SLU7: variants seen among roughly 807,000 people sequenced by gnomAD.
SLU7 encodes the protein spliceosome associated SLU7, also known as pre-mRNA-splicing factor SLU7.
Under a neutral mutation model 87.0 loss-of-function variants are expected in SLU7, and 60 were observed. The ratio of observed to expected loss-of-function variants is 0.69; its 90% CI spans 0.56 to 0.86. The LOEUF is 0.86. Among genes scored for constraint, SLU7 ranks in the 40% least tolerant of loss-of-function variants. SLU7 has a pLI of 0.00. For synonymous variants in SLU7, 197 were observed against 222.0 expected (o/e 0.89, Z 1.00); for missense variants, 507 against 686.6 (o/e 0.74, Z 2.92).
intron 1 of SLU7, among the ~76,000 whole-genome samples, chr5:160,416,859 C>T (rs1765475804): frequency 6.6e-6 from 1 of 152,216 alleles, no homozygotes; most frequent in Non-Finnish European, 1.5e-5. Flanking sequence ...CAAATCTCAT[C>T]TTGAATTGTA....
At chr5:160,411,343 C>T (rs1428593176) in intron 6 of SLU7, among the ~76,000 whole-genome samples, 4 of 151,990 alleles carry the variant, frequency 2.6e-5, no homozygotes, top group South Asian at 2.1e-4. Context: ...GCGATTCTCC[C>T]GAGTAGCTGG....
rs1245578525 is a variant in SLU7, at chr5:160,414,367, T to C, written c.276A>G (p.Gln92=). The C allele has an allele frequency of 6.2e-7, 1 of 1,612,370 alleles. No individual in the cohort carries two copies. The highest frequency in any genetic ancestry group is 1.1e-5 in the South Asian group (1 of 90,916). ...LKHQRPQPEK[Q]KQFSSSGEWY... Reference sequence around the variant, plus strand: ...ATTCTCCAGATGAGCTGAACTGCTTTTGTTTTTCTGGTTGTGGTCTCTGGT... The same window carrying C: ...ATTCTCCAGATGAGCTGAACTGCTTCTGTTTTTCTGGTTGTGGTCTCTGGT... The change falls in exon 3 of 16, where the codon CAA becomes CAG. Residue 92 remains glutamine (Q), a synonymous_variant. Transcript: ENST00000297151.
In SLU7 at chr5:160,407,970, C is replaced by T; in HGVS notation, c.917+1G>A. ...ATCTGTACATTTAACTTGATACTTA[C>T]TCATCTGGATTCTTTCCTGCATTGG... On this transcript the variant is annotated splice_donor_variant, in intron 9 of 15. Transcript: ENST00000297151. LOFTEE classifies it high-confidence loss of function. This position sits in a 1 kb window ranked among gnomAD's most constrained non-coding sequence, Gnocchi z 4.2. The T allele has an allele frequency of 6.2e-7, 1 of 1,600,532 alleles. No homozygotes were observed. Among genetic ancestry groups the T allele is most frequent in the Non-Finnish European group, 8.6e-7 (1 of 1,167,942 alleles).
Position 160,404,556 on chromosome 5 carries a change from G to C in SLU7, c.1465C>G (p.Leu489Val), listed in dbSNP as rs1764923576. ...TCCTCTTTCAGTTTTTCTTGATGCAGCTGAAAGGGAGGATTGAAATGCAGT... is the reference window on the plus strand; with the variant it reads ...TCCTCTTTCAGTTTTTCTTGATGCACCTGAAAGGGAGGATTGAAATGCAGT... ...SVKKPQTLME[L>V]HQEKLKEEKK... Residue 489 changes from leucine (L) to valine (V), a missense_variant and splice_region_variant, in exon 15 of 16, where the codon CTG becomes GTG. Physicochemically the swap from Leu to Val is conservative, Grantham distance 32 (BLOSUM62 1). Transcript: ENST00000297151. 5 of 1,565,568 alleles carry C rather than the reference G, an allele frequency of 3.2e-6. No individual in the cohort carries two copies. The highest frequency in any genetic ancestry group is 4.4e-6 in the Non-Finnish European group (5 of 1,140,686).
In SLU7 at chr5:160,403,296, G is replaced by C. The variant is rs1194299330; in HGVS notation, c.1750C>G (p.Leu584Val). Reference protein sequence around the residue: ...QRPDDPMASFLGQ With the variant: ...QRPDDPMASFVGQ ...CTTCTGACTAGTTGCTACTGTCCAA[G>C]GAAAGAGGCCATGGGGTCATCTGGC... The change falls in exon 16 of 16, where the codon CTT becomes GTT. Residue 584 changes from leucine (L) to valine (V), a missense_variant. Leu to Val is a conservative substitution (Grantham distance 32, BLOSUM62 1). Around this residue, in one of 6 missense-constraint regions of SLU7, gnomAD observed 201 missense variants for 213.4 expected, o/e 0.94. Coordinates refer to ENST00000297151, the MANE Select transcript of SLU7 (RefSeq NM_006425.5). 1 of 1,597,980 alleles carries C rather than the reference G, an allele frequency of 6.3e-7. No homozygotes were observed. The highest frequency in any genetic ancestry group is 8.5e-7 in the Non-Finnish European group (1 of 1,172,664).
chr5:160,407,459 A>G lies in SLU7; in HGVS notation c.1125+17T>C. 2 of 1,595,974 alleles carry G rather than the reference A, an allele frequency of 1.3e-6. No homozygotes were observed. Among genetic ancestry groups the G allele is most frequent in the Non-Finnish European group, 1.7e-6 (2 of 1,174,448 alleles). ...TCTTTAACAGAAGTTCTTCTTTAGC[A>G]TTTTGGTCAAAATTACCTTTTCCAG... is the stretch of plus-strand genomic sequence containing the variant. On this transcript the variant is annotated intron_variant, in intron 11 of 15. Coordinates refer to ENST00000297151, the MANE Select transcript of SLU7 (RefSeq NM_006425.5). The surrounding 1 kb of genome is among the most constrained non-coding windows in gnomAD (Gnocchi z 4.2).
intron 15 of SLU7, 48 bp downstream of exon 15, chr5:160,404,390 CAA>C (rs1764910853): frequency 1.7e-6 from 2 of 1,197,676 alleles, no homozygotes; most frequent in Non-Finnish European, 2.4e-6. Flanking sequence ...ACCCAAAAAA[CAA>C]AGAATACTGC....
chr5:160,414,209 A>G (rs1765359623), intron 3 of SLU7, 110 bp downstream of exon 3: 19 of 906,798 alleles, frequency 2.1e-5, no homozygotes, highest in Non-Finnish European at 3.1e-5. Flanking sequence ...AATACCAGAT[A>G]AAGGGTTTTA....
At chr5:160,414,191 T>C (rs1765359288) in intron 3 of SLU7, 128 bp downstream of exon 3, 2 of 805,412 alleles carry the variant, frequency 2.5e-6, no homozygotes, top group Non-Finnish European at 3.8e-6. Flanking sequence ...TAATGCACTG[T>C]GAATTTCAAT....
chr5:160,415,343 T>G, intron 1 of SLU7, 33 bp from the exon 2 acceptor site: 1 of 1,488,884 alleles, frequency 6.7e-7, no homozygotes, highest in Non-Finnish European at 9.0e-7. Context: ...CAGTAAAAAG[T>G]AGGCCTTCAT....
chr5:160,415,076 T>C (rs911549637), intron 2 of SLU7, 49 bp downstream of exon 2: 16 of 1,441,314 alleles, frequency 1.1e-5, no homozygotes, highest in Non-Finnish European at 1.4e-5. Context: ...TAAGTAGACA[T>C]GAATTTGAAT....
intron 2 of SLU7, 40 bp downstream of exon 2, chr5:160,415,085 A>G (rs776571856): frequency 8.0e-6 from 12 of 1,491,062 alleles, no homozygotes; most frequent in Non-Finnish European, 1.1e-5. Context: ...ATGAATTTGA[A>G]TTCTGAATGA....
chr5:160,414,838 G>C (rs1469174459), intron 2 of SLU7, among the ~76,000 whole-genome samples: 4 of 152,098 alleles, frequency 2.6e-5, no homozygotes, highest in Non-Finnish European at 4.4e-5. Context: ...ATTATCTAGA[G>C]ATGTGACGGT....
chr5:160,415,202 C>T lies in SLU7; in HGVS notation c.93G>A (p.Glu31=). The T allele has an allele frequency of 6.2e-7, 1 of 1,612,250 alleles. No homozygotes were observed. Among genetic ancestry groups the T allele is most frequent in the Non-Finnish European group, 8.5e-7 (1 of 1,179,242 alleles). Residue 31 remains glutamate, a synonymous_variant, in exon 2 of 16, where the codon GAG becomes GAA. Coordinates refer to ENST00000297151, the MANE Select transcript of SLU7 (RefSeq NM_006425.5). ...CTAGCTCCTTCTTCTTTCTCCAGTCCTCTCTGGTCATCTTCTTTGGTTCTT... is the reference window on the plus strand; with the variant it reads ...CTAGCTCCTTCTTCTTTCTCCAGTCTTCTCTGGTCATCTTCTTTGGTTCTT... ...SLEEPKKMTR[E]DWRKKKELEE... is the part of the protein sequence containing the mutation.
At chr5:160,414,921 G>A (rs1162686919) in intron 2 of SLU7, among the ~76,000 whole-genome samples, 1 of 151,888 alleles carries the variant, frequency 6.6e-6, no homozygotes, top group Admixed American at 6.6e-5. Context: ...GGGTGGGAAC[G>A]GTAAAAAAGG....
intron 12 of SLU7, among the ~76,000 whole-genome samples, chr5:160,405,441 C>T (rs1204218166): frequency 6.6e-6 from 1 of 152,204 alleles, no homozygotes; most frequent in Non-Finnish European, 1.5e-5. Flanking sequence ...CAATAATCAG[C>T]TGTTGCTGAA....
intron 12 of SLU7, 66 bp downstream of exon 12, chr5:160,406,402 T>C (rs1206725363): frequency 5.1e-5 from 60 of 1,176,110 alleles, no homozygotes; most frequent in Non-Finnish European, 6.5e-5. Context: ...AATAAAGTTG[T>C]AGTGGAAAAA....
At chr5:160,408,207 G>C in intron 8 of SLU7, 122 bp downstream of exon 8, 1 of 1,254,508 alleles carries the variant, frequency 8.0e-7, no homozygotes, top group South Asian at 1.4e-5. Flanking sequence ...AGAAAAAACA[G>C]AATGAAACCT....
rs1765049990 is a variant in SLU7 at position 160,407,205 on chromosome 5, A to AT, written c.1125+270_1125+271insA. On this transcript the variant is annotated intron_variant, in intron 11 of 15. Coordinates refer to ENST00000297151, the MANE Select transcript of SLU7 (RefSeq NM_006425.5). The surrounding 1 kb of genome is among the most constrained non-coding windows in gnomAD (Gnocchi z 4.2). ...GTGAGGCCATCTTAGTTCATCATCTAACCTCAGCTGAGCAAGCCCAGACCA... is the reference window on the plus strand; with the variant it reads ...GTGAGGCCATCTTAGTTCATCATCTATACCTCAGCTGAGCAAGCCCAGACCA... Among the ~76,000 whole-genome samples, 2 of 152,232 alleles carry AT rather than the reference A, an allele frequency of 1.3e-5. No individual in the cohort carries two copies. The highest frequency in any genetic ancestry group is 2.9e-5 in the Non-Finnish European group (2 of 68,036).
Sources: gnomAD v4.1 joint callset for allele counts (sites outside exome capture counted in the v4.1 genomes callset) on GRCh38, gnomAD v4.1.1 for gene constraint, gnomAD v4.1.1 regional missense constraint, Gnocchi (gnomAD v3.1) non-coding constraint, MANE v1.5 for transcripts, NCBI Gene and HGNC (gene_info 2026-07-23, HGNC 2026-07-21) for gene names.